B4GALT6: variants seen among roughly 807,000 people sequenced by gnomAD.
B4GALT6 encodes UDP-Gal:beta-GlcNAc beta-1,4-galactosyltransferase 6.
A neutral mutation model predicts 46.3 loss-of-function variants in B4GALT6; 14 were observed. The ratio of observed to expected loss-of-function variants is 0.30; its 90% confidence interval spans 0.20 to 0.47. The LOEUF (loss-of-function observed/expected upper bound fraction) is 0.47. B4GALT6 is among the 20% of genes least tolerant of loss of function. The pLI, the probability that B4GALT6 is intolerant of heterozygous loss-of-function variation, is 0.99. For synonymous variants in B4GALT6, 168 were observed against 162.0 expected (o/e 1.04, Z -0.28); for missense variants, 386 against 480.1 (o/e 0.80, Z 1.83).
At chr18:31,653,235 T>C (rs773241174) in intron 3 of B4GALT6, among the ~76,000 whole-genome samples, 10 of 151,902 alleles carry the variant, frequency 6.6e-5, no homozygotes, top group Non-Finnish European at 1.2e-4. Context: ...TCATTTCCCA[T>C]ACACGCCACT....
chr18:31,723,606 C>A, the B4GALT6 span, among the ~76,000 whole-genome samples: 3 of 152,126 alleles, frequency 2.0e-5, no homozygotes, highest in Non-Finnish European at 4.4e-5. Flanking sequence ...GCTCACCCCC[C>A]AAAACCCCTC....
At chr18:31,717,098 A>G in the B4GALT6 span, among the ~76,000 whole-genome samples, 11 of 152,194 alleles carry the variant, frequency 7.2e-5, no homozygotes, top group South Asian at 2.3e-3. Flanking sequence ...GTGAGACTCT[A>G]TCTCAAAAAA....
the B4GALT6 span, among the ~76,000 whole-genome samples, chr18:31,709,956 T>G: frequency 1.3e-5 from 2 of 151,634 alleles, no homozygotes; most frequent in African/African-American, 4.8e-5. Flanking sequence ...TTAGCTGGGT[T>G]TGGTGGTGCA....
rs2073651273 is a variant in B4GALT6 at position 31,623,929 on chromosome 18, T to C, written c.*1685A>G. On this transcript the variant is annotated 3_prime_UTR_variant, in exon 9 of 9. Transcript: ENST00000306851. Reference sequence around the variant, plus strand: ...GCAAATATTATCCAAACGTTTCTCATATATAGATTTCTATTGCTCATCATT... The same window carrying C: ...GCAAATATTATCCAAACGTTTCTCACATATAGATTTCTATTGCTCATCATT... 1 of 152,058 alleles carries C rather than the reference T, an allele frequency of 6.6e-6. No homozygotes were observed. The highest frequency in any genetic ancestry group is 1.5e-5 in the Non-Finnish European group (1 of 67,886). 9.4% of individuals were successfully genotyped at this position (152,058 alleles called of 1,614,324 possible). A position where few individuals can be genotyped will look rare whatever the true frequency, so the allele number is the denominator to read the frequency against.
chr18:31,699,390 A>G, the B4GALT6 span, among the ~76,000 whole-genome samples: 12 of 151,080 alleles, frequency 7.9e-5, no homozygotes, highest in Non-Finnish European at 1.8e-4. Context: ...CTCCTGCCTC[A>G]GCCTCCCAAG....
At chr18:31,633,731 C>T (rs1388768395) in intron 5 of B4GALT6, among the ~76,000 whole-genome samples, 1 of 152,210 alleles carries the variant, frequency 6.6e-6, no homozygotes, top group African/African-American at 2.4e-5. Context: ...GCCTCTACAA[C>T]AGCATGGCGT....
At position 31,684,574 on chromosome 18, in the gene B4GALT6, G is replaced by A; in HGVS notation, c.-148C>T. 1 of 1,324,578 alleles carries A rather than the reference G, an allele frequency of 7.5e-7. No homozygotes were observed. Among genetic ancestry groups the A allele is most frequent in the South Asian group, 1.4e-5 (1 of 70,388 alleles). The allele number at this position is 1,324,578 out of a possible 1,614,324, so 82.1% of individuals were successfully genotyped here. ...AGGCTCTGGGGAGAGGGCCCGAGCGGAAAAGAGGAAATGGGAGGGAGCGGA... is the reference window on the plus strand; with the variant it reads ...AGGCTCTGGGGAGAGGGCCCGAGCGAAAAAGAGGAAATGGGAGGGAGCGGA... On this transcript the variant is annotated 5_prime_UTR_variant, in exon 1 of 9. Transcript: ENST00000306851.
the B4GALT6 span, among the ~76,000 whole-genome samples, chr18:31,695,972 T>C: frequency 6.6e-6 from 1 of 152,206 alleles, no homozygotes; most frequent in Non-Finnish European, 1.5e-5. Context: ...GAAAGGTAGA[T>C]AGCCAAATGC....
At chr18:31,648,004 G>A (rs904367523) in intron 3 of B4GALT6, among the ~76,000 whole-genome samples, 5 of 152,020 alleles carry the variant, frequency 3.3e-5, no homozygotes, top group Non-Finnish European at 4.4e-5. Flanking sequence ...AAAAGGCATC[G>A]GAAAACCACC....
chr18:31,676,733 C>A (rs1010564178), intron 1 of B4GALT6, among the ~76,000 whole-genome samples: 1 of 152,154 alleles, frequency 6.6e-6, no homozygotes, highest in South Asian at 2.1e-4. Flanking sequence ...GTATGTAGCA[C>A]TATTTTTTCC....
chr18:31,668,083 C>G (rs1305699624), intron 1 of B4GALT6, among the ~76,000 whole-genome samples: 3 of 137,514 alleles, frequency 2.2e-5, no homozygotes, highest in Non-Finnish European at 3.1e-5. Context: ...GGCGAGGGAG[C>G]AAGACTCCAT....
the B4GALT6 span, among the ~76,000 whole-genome samples, chr18:31,716,615 A>T: frequency 6.6e-6 from 1 of 152,198 alleles, no homozygotes; most frequent in South Asian, 2.1e-4. Flanking sequence ...TAAGGTCCAG[A>T]GGGCAGATAA....
the B4GALT6 span, among the ~76,000 whole-genome samples, chr18:31,715,309 T>C: frequency 6.6e-6 from 1 of 152,150 alleles, no homozygotes; most frequent in Non-Finnish European, 1.5e-5. Context: ...CACTGGAGCC[T>C]CAAACTCCTG....
chr18:31,626,328 T>C lies in B4GALT6; in HGVS notation c.956A>G (p.Lys319Arg). 1.2e-6 allele frequency: 2 copies of C among 1,609,264 alleles called. No individual in the cohort carries two copies. The highest frequency in any genetic ancestry group is 1.7e-6 in the Non-Finnish European group (2 of 1,176,806). The change falls in exon 8 of 9, where the codon AAG becomes AGG. Residue 319 changes from lysine to arginine, a missense_variant. Around this residue, in one of 2 missense-constraint regions of B4GALT6, gnomAD observed 323 missense variants for 438.9 expected, o/e 0.74. Transcript: ENST00000306851. The part of the protein sequence containing the change: ...TRPEGDLGKY[K>R]SIPHHHRGEV... The stretch of plus-strand genomic sequence containing the variant: ...ACCTCTATGGTGATGAGGAATTGAC[T>C]TGTATTTTCCTAAGTCTCCCTCTGG...
intron 4 of B4GALT6, among the ~76,000 whole-genome samples, chr18:31,642,671 A>G (rs2073944029): frequency 6.6e-6 from 1 of 152,222 alleles, no homozygotes; most frequent in Admixed American, 6.5e-5. Context: ...GCAGCATTCA[A>G]GAATACCTAG....
In B4GALT6 at chr18:31,666,366, G is replaced by A; in HGVS notation, c.122C>T (p.Thr41Ile). ...FIYVAPGIAN[T>I]YLFMVQARGI... ...TCGAGCTTGTACCATAAAGAGATAT[G>A]TGTTGGCTATAAAAGAAAAATAGAG... Residue 41 changes from threonine to isoleucine, a missense_variant, in exon 2 of 9, where the codon ACA becomes ATA. Coordinates refer to ENST00000306851, the MANE Select transcript of B4GALT6 (RefSeq NM_004775.5). The A allele has an allele frequency of 6.4e-7, 1 of 1,553,776 alleles. No individual in the cohort carries two copies. The highest frequency in any genetic ancestry group is 8.8e-7 in the Non-Finnish European group (1 of 1,137,652).
At chr18:31,646,974 G>C (rs1193559986) in intron 3 of B4GALT6, among the ~76,000 whole-genome samples, 1 of 152,206 alleles carries the variant, frequency 6.6e-6, no homozygotes, top group Non-Finnish European at 1.5e-5. Context: ...GCTAATCTTA[G>C]AAAGGTCAGA....
At position 31,631,151 on chromosome 18, in the gene B4GALT6, A is replaced by G. The variant is rs762435135; in HGVS notation, c.589-5T>C. ...GTTAAAAGGTTGTGTGCCAGTCTTC[A>G]TGGAGCAGACCGAGAGAAAAAAATA... On this transcript the variant is annotated splice_polypyrimidine_tract_variant and splice_region_variant and intron_variant, in intron 5 of 8. Coordinates refer to ENST00000306851, the MANE Select transcript of B4GALT6 (RefSeq NM_004775.5). 6.6e-5 allele frequency: 106 copies of G among 1,607,470 alleles called. No individual in the cohort carries two copies. The highest frequency in any genetic ancestry group is 8.7e-5 in the Non-Finnish European group (102 of 1,175,848).
the B4GALT6 span, among the ~76,000 whole-genome samples, chr18:31,709,718 C>A: frequency 6.6e-5 from 10 of 151,630 alleles, no homozygotes; most frequent in Non-Finnish European, 1.3e-4. Flanking sequence ...AAGATACCGA[C>A]AATTTAAAAC....
Sources: allele counts gnomAD v4.1 joint callset (sites outside exome capture counted in the v4.1 genomes callset), GRCh38; gene constraint gnomAD v4.1.1; regional missense constraint gnomAD v4.1.1; transcripts MANE v1.5; gene names NCBI Gene and HGNC (gene_info 2026-07-23, HGNC 2026-07-21).